Variants in RPAP3 observed in about 807,000 individuals in gnomAD.
RPAP3 encodes the protein RNA polymerase II-associated protein 3.
Under a neutral mutation model 88.8 loss-of-function variants are expected in RPAP3, and 58 were observed. That is an observed-to-expected ratio of 0.65 (90% CI 0.53 to 0.81). The LOEUF is 0.81. Among genes scored for constraint, RPAP3 ranks in the 40% least tolerant of loss-of-function variants. The probability of loss-of-function intolerance (pLI) is 0.00; values close to 1 mark genes in which losing one functional copy is unlikely to be tolerated. For missense variants in RPAP3, 751 were observed against 764.3 expected, an observed-to-expected ratio of 0.98 and a Z score of 0.20; for synonymous variants, 255 against 259.9, an observed-to-expected ratio of 0.98 and a Z score of 0.18.
chr12:47,685,266 C>G (rs1037126623), intron 9 of RPAP3, among the ~76,000 whole-genome samples: 4 of 151,380 alleles, frequency 2.6e-5, no homozygotes, highest in African/African-American at 9.7e-5. Context: ...GTAGACCCAG[C>G]AACTTGGGAG....
intron 2 of RPAP3, among the ~76,000 whole-genome samples, chr12:47,702,349 C>T (rs1234645165): frequency 2.6e-5 from 4 of 151,928 alleles, no homozygotes; most frequent in South Asian, 2.1e-4. Flanking sequence ...AGATCAAGAC[C>T]ATCCTGGCCA....
chr12:47,693,135 C>A (rs1215326084), intron 5 of RPAP3, among the ~76,000 whole-genome samples: 2 of 152,184 alleles, frequency 1.3e-5, no homozygotes, highest in African/African-American at 4.8e-5. Context: ...CCCGCCTCAG[C>A]CTCCCAAATT....
chr12:47,687,481 G>A (rs1481112161), intron 8 of RPAP3, among the ~76,000 whole-genome samples: 1 of 151,942 alleles, frequency 6.6e-6, no homozygotes, highest in Admixed American at 6.6e-5. Flanking sequence ...GTCCAGGAAA[G>A]GCAATAAATA....
At chr12:47,688,421 C>T in intron 7 of RPAP3, among the ~76,000 whole-genome samples, 1 of 151,868 alleles carries the variant, frequency 6.6e-6, no homozygotes. Flanking sequence ...ATTCATACCC[C>T]AAACCTCAGT....
chr12:47,704,025 T>G (rs539591054), intron 1 of RPAP3, among the ~76,000 whole-genome samples: 1 of 152,144 alleles, frequency 6.6e-6, no homozygotes, highest in Non-Finnish European at 1.5e-5. Flanking sequence ...TATGCTGAAT[T>G]TGAGTGCTAA....
At chr12:47,691,774 TCTTG>T (rs1939434445) in intron 5 of RPAP3, among the ~76,000 whole-genome samples, 2 of 151,222 alleles carry the variant, frequency 1.3e-5, no homozygotes, top group Non-Finnish European at 3.0e-5. Context: ...TGAGACAGAG[TCTTG>T]CTCTGTCGCC....
intron 13 of RPAP3, among the ~76,000 whole-genome samples, chr12:47,669,775 T>C (rs984429316): frequency 3.5e-4 from 53 of 152,286 alleles, no homozygotes; most frequent in African/African-American, 1.3e-3. Flanking sequence ...AAATTCTACA[T>C]TTTTATGAAG....
At chr12:47,673,155 G>GT (rs1285337003) in intron 12 of RPAP3, among the ~76,000 whole-genome samples, 1 of 151,946 alleles carries the variant, frequency 6.6e-6, no homozygotes, top group African/African-American at 2.4e-5. Context: ...GAATACGGTC[G>GT]TAATAGGCCA....
At chr12:47,688,106 A>G (rs1939361097) in intron 7 of RPAP3, 105 bp from the exon 8 acceptor site, 1 of 978,362 alleles carries the variant, frequency 1.0e-6, no homozygotes. Flanking sequence ...TTTCTGCCAC[A>G]TTTTAAATAA....
intron 12 of RPAP3, among the ~76,000 whole-genome samples, chr12:47,670,874 A>G (rs553068916): frequency 6.6e-6 from 1 of 152,316 alleles, no homozygotes; most frequent in Non-Finnish European, 1.5e-5. Flanking sequence ...TACCAAACCA[A>G]CAGCAGTATT....
At chr12:47,686,940 A>C in intron 8 of RPAP3, 33 bp from the exon 9 acceptor site, 1 of 1,410,302 alleles carries the variant, frequency 7.1e-7, no homozygotes, top group Non-Finnish European at 9.6e-7. Flanking sequence ...GGAGAATAAA[A>C]AAAAAATTTC....
chr12:47,687,757 C>T, intron 8 of RPAP3, 119 bp downstream of exon 8: 1 of 1,230,790 alleles, frequency 8.1e-7, no homozygotes, highest in Non-Finnish European at 1.1e-6. Flanking sequence ...CATTTAATTC[C>T]CAATTCCTAC....
intron 12 of RPAP3, among the ~76,000 whole-genome samples, chr12:47,678,592 A>C (rs1352847932): frequency 6.6e-6 from 1 of 152,254 alleles, no homozygotes; most frequent in Non-Finnish European, 1.5e-5. Flanking sequence ...GGCAAAGGAT[A>C]TGAACAGACA....
At chr12:47,672,477 G>A (rs968540744) in intron 12 of RPAP3, among the ~76,000 whole-genome samples, 2 of 152,162 alleles carry the variant, frequency 1.3e-5, no homozygotes, top group Non-Finnish European at 2.9e-5. Flanking sequence ...ACTAATCTGT[G>A]AGTTATTCTC....
intron 6 of RPAP3, among the ~76,000 whole-genome samples, chr12:47,689,683 C>T (rs556628149): frequency 5.3e-5 from 8 of 152,240 alleles, no homozygotes; most frequent in African/African-American, 1.9e-4. Flanking sequence ...AGACAAAATC[C>T]TATGACAAAC....
In RPAP3 at chr12:47,669,101, G is replaced by A; in HGVS notation, c.1528C>T (p.Pro510Ser). The change falls in exon 14 of 17, where the codon CCT becomes TCT. Residue 510 changes from proline to serine, a missense_variant and splice_region_variant. By Grantham distance (74) the Pro-to-Ser change is moderately conservative (BLOSUM62 -1). Transcript: ENST00000005386. ...ACATCCTGCTTCAAACTGGCTTGAG[G>A]TCTGAAATATTTCAGAGGTATCAAA... Reference protein sequence around the residue: ...EEVSDTSSLQPQASLKQDVCQ... With the variant: ...EEVSDTSSLQSQASLKQDVCQ... The A allele has an allele frequency of 6.2e-7, 1 of 1,609,116 alleles. No homozygotes were observed. Among genetic ancestry groups the A allele is most frequent in the South Asian group, 1.1e-5 (1 of 90,756 alleles).
intron 10 of RPAP3, among the ~76,000 whole-genome samples, chr12:47,680,491 T>C (rs1367742022): frequency 6.6e-6 from 1 of 152,046 alleles, no homozygotes; most frequent in African/African-American, 2.4e-5. Flanking sequence ...AAAAAAACAC[T>C]GCTGTAGCTA....
chr12:47,670,322 A>G lies in RPAP3; in HGVS notation c.1311T>C (p.Ile437=). 6.2e-7 allele frequency: 1 copy of G among 1,602,052 alleles called. No homozygotes were observed. Among genetic ancestry groups the G allele is most frequent in the Non-Finnish European group, 8.5e-7 (1 of 1,170,548 alleles). The change falls in exon 13 of 17, where the codon ATT becomes ATC. Residue 437 remains isoleucine (I), a synonymous_variant. Coordinates refer to ENST00000005386, the MANE Select transcript of RPAP3 (RefSeq NM_024604.3). ...TCTGTATCAAATTACCAGTTTCTTC[A>G]ATAATAACCTTCTTGAGTGGTTTCT... ...GSTKPLKKVI[I]EETGNLIQTI... is the part of the protein sequence containing the mutation.
chr12:47,674,165 C>T (rs1939061634), intron 12 of RPAP3, among the ~76,000 whole-genome samples: 1 of 151,230 alleles, frequency 6.6e-6, no homozygotes, highest in African/African-American at 2.4e-5. Flanking sequence ...CCAAGATGGC[C>T]GAATAGGCAC....
Sources: allele counts gnomAD v4.1 joint callset (sites outside exome capture counted in the v4.1 genomes callset), GRCh38; gene constraint gnomAD v4.1.1; transcripts MANE v1.5; gene names NCBI Gene and HGNC (gene_info 2026-07-23, HGNC 2026-07-21).